Variants in ZNF23 observed in about 807,000 individuals in gnomAD.
The protein encoded by ZNF23 is zinc finger protein 23.
In ZNF23, 48 loss-of-function variants were observed where a neutral mutation model predicts 56.2. That is an observed-to-expected ratio of 0.85 (90% CI 0.68 to 1.09). The LOEUF is 1.09. Ranked by LOEUF, ZNF23 falls within the 50% of genes least tolerant of loss-of-function variation. The probability of loss-of-function intolerance (pLI) is 0.00; values close to 1 mark genes in which losing one functional copy is unlikely to be tolerated. For missense variants in ZNF23, 805 were observed against 811.4 expected (o/e 0.99, Z 0.10); for synonymous variants, 266 against 283.3 (o/e 0.94, Z 0.61).
intron 2 of ZNF23, among the ~76,000 whole-genome samples, chr16:71,454,656 C>G (rs1212210348): frequency 1.3e-5 from 2 of 152,252 alleles, no homozygotes; most frequent in East Asian, 1.9e-4. Context: ...CACAGACCCC[C>G]CAACAAGGGG....
At chr16:71,455,482 G>C (rs2145107709) in intron 2 of ZNF23, among the ~76,000 whole-genome samples, 1 of 152,206 alleles carries the variant, frequency 6.6e-6, no homozygotes, top group African/African-American at 2.4e-5. Flanking sequence ...TCAGCCTCCT[G>C]AGTAGCTGGG....
At chr16:71,458,463 T>C (rs1402543761) in intron 1 of ZNF23, among the ~76,000 whole-genome samples, 1 of 152,172 alleles carries the variant, frequency 6.6e-6, no homozygotes, top group Non-Finnish European at 1.5e-5. Context: ...TTCTAGACCT[T>C]TTTCCCAGGG....
rs768711895 is a variant in ZNF23 at position 71,449,500 on chromosome 16, C to A, written c.654G>T (p.Glu218Asp). Residue 218 changes from glutamate (E) to aspartate (D), a missense_variant, in exon 5 of 5, where the codon GAG (glutamate) becomes GAT (aspartate). By Grantham distance (45) the Glu-to-Asp change is conservative. Coordinates refer to ENST00000647773, the MANE Select transcript of ZNF23 (RefSeq NM_001381984.1). Reference sequence around the variant, plus strand: ...TAAGTTGAGAGTCACACCTAAAGGGCTCTACTAATTCTTCACATTTGAAAG... The same window carrying A: ...TAAGTTGAGAGTCACACCTAAAGGGATCTACTAATTCTTCACATTTGAAAG... ...ERPFKCEELVEPFRCDSQLIQ... is the reference protein window; with the variant it reads ...ERPFKCEELVDPFRCDSQLIQ... 1 of 1,614,178 alleles carries A rather than the reference C, an allele frequency of 6.2e-7. No individual in the cohort carries two copies. The highest frequency in any genetic ancestry group is 8.5e-7 in the Non-Finnish European group (1 of 1,180,040).
At chr16:71,454,275 A>G in intron 2 of ZNF23, 107 bp from the exon 3 acceptor site, 1 of 1,400,670 alleles carries the variant, frequency 7.1e-7, no homozygotes, top group Non-Finnish European at 9.4e-7. Flanking sequence ...GTGAGAGCAC[A>G]AAATTAGTAT....
chr16:71,455,415 G>C (rs1192991248), intron 2 of ZNF23, among the ~76,000 whole-genome samples: 1 of 152,088 alleles, frequency 6.6e-6, no homozygotes. Flanking sequence ...GAAGCGCAGT[G>C]GCATGACCTC....
chr16:71,461,632 G>C (rs2043460645), intron 1 of ZNF23: 2 of 152,282 alleles, frequency 1.3e-5, no homozygotes, highest in South Asian at 4.1e-4. Flanking sequence ...TGTCAACCCT[G>C]AGCCGAGAGA....
At chr16:71,451,786 C>A (rs1215212505) in intron 4 of ZNF23, 1 of 152,210 alleles carries the variant, frequency 6.6e-6, no homozygotes, top group Non-Finnish European at 1.5e-5. Flanking sequence ...CTCCAGAAGT[C>A]TATTCCTGCT....
In ZNF23 at chr16:71,455,894, T is replaced by C. The variant is rs1410771040; in HGVS notation, c.33+870A>G. On this transcript the variant is annotated intron_variant, in intron 2 of 4. Transcript: ENST00000647773. ...GAATCACACAATAACTCTGTGATCCTGGGCAAGTTACTCTACTCCCCTTTT... is the reference window on the plus strand; with the variant it reads ...GAATCACACAATAACTCTGTGATCCCGGGCAAGTTACTCTACTCCCCTTTT... Among the ~76,000 whole-genome samples, 4 of 152,374 alleles carry C rather than the reference T, an allele frequency of 2.6e-5. No individual in the cohort carries two copies. In the East Asian group the frequency reaches 5.8e-4, roughly 22 times the overall value.
At position 71,454,161 on chromosome 16, in the gene ZNF23, A is replaced by C; in HGVS notation, c.41T>G (p.Val14Gly). 6.2e-7 allele frequency: 1 copy of C among 1,613,094 alleles called. No homozygotes were observed. Residue 14 changes from valine to glycine, a missense_variant, in exon 3 of 5, where the codon GTG becomes GGG. Transcript: ENST00000647773. ...MHLTAWPQKS[V>G]TFEDVAVYFT... ...GTACACAGCCACGTCCTCAAAGGTC[A>C]CCGACTTCTGAAACAATAGGTTCCT...
In ZNF23 at chr16:71,457,054, CAT is replaced by C. The variant is rs2043259337; in HGVS notation, c.-32-228_-32-227del. 4.6e-5 allele frequency among the ~76,000 whole-genome samples: 7 copies of C among 152,150 alleles called. No homozygotes were observed. The South Asian group carries it at 1.5e-3, about 32-fold the overall frequency. On this transcript the variant is annotated intron_variant, in intron 1 of 4. Coordinates refer to ENST00000647773, the MANE Select transcript of ZNF23 (RefSeq NM_001381984.1). ...ACCCTAGGACTTTACAATTCTGATA[CAT>C]ATCACACACACTGAAGAGTATATAT...
intron 2 of ZNF23, chr16:71,456,563 C>T (rs1373084588): frequency 2.1e-5 from 7 of 335,106 alleles, no homozygotes; most frequent in Non-Finnish European, 2.5e-5. Flanking sequence ...CACCACCCTC[C>T]TGCTCTCCTG....
intron 4 of ZNF23, 28 bp downstream of exon 4, chr16:71,453,215 C>T: frequency 6.4e-7 from 1 of 1,552,414 alleles, no homozygotes; most frequent in South Asian, 1.2e-5. Context: ...TAAATTCCAA[C>T]AGAGTGGGAA....
chr16:71,460,707 A>AT (rs1389000414), intron 1 of ZNF23, among the ~76,000 whole-genome samples: 1 of 152,238 alleles, frequency 6.6e-6, no homozygotes, highest in Non-Finnish European at 1.5e-5. Context: ...TAATTAGTAT[A>AT]TTTTTCACAT....
At chr16:71,458,136 T>C (rs904857598) in intron 1 of ZNF23, among the ~76,000 whole-genome samples, 3 of 152,210 alleles carry the variant, frequency 2.0e-5, no homozygotes, top group African/African-American at 4.8e-5. Flanking sequence ...AACTTTCCAG[T>C]CTTCTGATAG....
At position 71,449,158 on chromosome 16, in the gene ZNF23, G is replaced by T. The variant is rs1403312086; in HGVS notation, c.996C>A (p.Phe332Leu). ...PYQCKECGNG[F>L]SCSSAYITHQ... Reference sequence around the variant, plus strand: ...GTGTAATATATGCAGAACTACAGCTGAAGCCATTTCCACATTCCTTGCACT... The same window carrying T: ...GTGTAATATATGCAGAACTACAGCTTAAGCCATTTCCACATTCCTTGCACT... The change falls in exon 5 of 5, where the codon TTC becomes TTA. Residue 332 changes from phenylalanine (F) to leucine (L), a missense_variant. Coordinates refer to ENST00000647773, the MANE Select transcript of ZNF23 (RefSeq NM_001381984.1). 1.2e-6 allele frequency: 2 copies of T among 1,614,198 alleles called. No homozygotes were observed.
In ZNF23 at chr16:71,449,122, G is replaced by A. The variant is rs753818141; in HGVS notation, c.1032C>T (p.Val344=). The change falls in exon 5 of 5, where the codon GTC becomes GTT. Residue 344 remains valine (V), a synonymous_variant. Coordinates refer to ENST00000647773, the MANE Select transcript of ZNF23 (RefSeq NM_001381984.1). ...CSSAYITHQR[V]HTGEKPYECN... is the part of the protein sequence containing the mutation. ...ACTCGTAAGGTTTCTCTCCAGTGTG[G>A]ACTCTCTGATGTGTAATATATGCAG... 2.5e-6 allele frequency: 4 copies of A among 1,614,138 alleles called. No individual in the cohort carries two copies. In the East Asian group the frequency reaches 8.9e-5, roughly 36 times the overall value.
chr16:71,452,750 TTTA>T (rs1193757499), intron 4 of ZNF23: 2 of 154,144 alleles, frequency 1.3e-5, no homozygotes, highest in Admixed American at 1.3e-4. Context: ...ATTACCTCCT[TTTA>T]TTATTAACCC....
chr16:71,455,433 T>G (rs536065943), intron 2 of ZNF23, among the ~76,000 whole-genome samples: 2 of 152,244 alleles, frequency 1.3e-5, no homozygotes, highest in African/African-American at 4.8e-5. Flanking sequence ...CTCGGCTCAC[T>G]GCACCCTCTG....
rs1223170771 is a variant in ZNF23, at chr16:71,448,760, C to T, written c.1394G>A (p.Cys465Tyr). The change falls in exon 5 of 5, where the codon TGT (cysteine) becomes TAT (tyrosine). Residue 465 changes from cysteine (C) to tyrosine (Y), a missense_variant. Transcript: ENST00000647773. ...TCTGAAGGCTTTCCCGCATTCATTA[C>T]ACTCATAGGGTTTCTCGCCTGTGTG... Reference protein sequence around the residue: ...RIHTGEKPYECNECGKAFRCN... With the variant: ...RIHTGEKPYEYNECGKAFRCN... The T allele has an allele frequency of 3.1e-6, 5 of 1,614,226 alleles. No homozygotes were observed. Among genetic ancestry groups the T allele is most frequent in the Non-Finnish European group, 4.2e-6 (5 of 1,180,046 alleles).
Sources: allele counts gnomAD v4.1 joint callset (sites outside exome capture counted in the v4.1 genomes callset), GRCh38; gene constraint gnomAD v4.1.1; transcripts MANE v1.5; gene names NCBI Gene and HGNC (gene_info 2026-07-23, HGNC 2026-07-21).